Variants in UBE2G1 observed in about 807,000 individuals in gnomAD.
UBE2G1 encodes the protein ubiquitin conjugating enzyme E2 G1.
UBE2G1 carries 5 observed loss-of-function variants against 22.7 expected under a neutral mutation model. The ratio of observed to expected loss-of-function variants is 0.22; its 90% CI spans 0.12 to 0.46. The LOEUF (loss-of-function observed/expected upper bound fraction) is 0.46. UBE2G1 is among the 20% of genes least tolerant of loss of function. The probability of loss-of-function intolerance (pLI) is 0.99; values close to 1 mark genes in which losing one functional copy is unlikely to be tolerated. For missense variants in UBE2G1, 88 were observed against 203.9 expected (o/e 0.43, Z 3.46); for synonymous variants, 74 against 67.5 (o/e 1.10, Z -0.47).
chr17:4,285,232 C>T (rs1023424391), intron 4 of UBE2G1, among the ~76,000 whole-genome samples: 8 of 151,924 alleles, frequency 5.3e-5, no homozygotes, highest in African/African-American at 1.9e-4. Context: ...AGAGTTCACA[C>T]AACTCTGTGA....
rs182090880 is a variant in UBE2G1 at position 4,296,733 on chromosome 17, T to A, written c.231A>T (p.Glu77Asp). 6.2e-7 allele frequency: 1 copy of A among 1,613,982 alleles called. No individual in the cohort carries two copies. The highest frequency in any genetic ancestry group is 8.5e-7 in the Non-Finnish European group (1 of 1,179,914). Residue 77 changes from glutamate (E) to aspartate (D), a missense_variant, in exon 3 of 6, where the codon GAA becomes GAT. Physicochemically the swap from Glu to Asp is conservative, Grantham distance 45. Around this residue, in one of 2 missense-constraint regions of UBE2G1, gnomAD observed 38 missense variants for 132.9 expected, o/e 0.29. Transcript: ENST00000396981. ...LRPPKMKFIT[E>D]IWHPNVDKNG... ...TAAACTTACCATTTGGGTGCCAGAT[T>A]TCTGTAATGAATTTCATTTTAGGAG...
chr17:4,329,827 CTTT>C (rs66696267), intron 1 of UBE2G1, among the ~76,000 whole-genome samples: 1 of 147,764 alleles, frequency 6.8e-6, no homozygotes, highest in Non-Finnish European at 1.5e-5. Flanking sequence ...TAAAGGTATG[CTTT>C]TTTTTTTTAG....
At chr17:4,283,052 G>A in intron 4 of UBE2G1, 131 bp from the exon 5 acceptor site, 4 of 740,978 alleles carry the variant, frequency 5.4e-6, no homozygotes, top group South Asian at 2.3e-5. Context: ...AGTTGAAAAG[G>A]TAGAAAGCAG....
Position 4,366,501 on chromosome 17 carries a change from G to C in UBE2G1, c.-185C>G, listed in dbSNP as rs1970037866. ...TGCCGGTGCGAGTCCGCTCGCTTCAGCTCTTTTCACAGCGACTCACGCCCG... is the reference window on the plus strand; with the variant it reads ...TGCCGGTGCGAGTCCGCTCGCTTCACCTCTTTTCACAGCGACTCACGCCCG... On this transcript the variant is annotated 5_prime_UTR_variant, in exon 1 of 6. Transcript: ENST00000396981. The C allele has an allele frequency of 1.0e-5, 5 of 499,070 alleles. No individual in the cohort carries two copies. In the East Asian group the frequency reaches 1.8e-4, roughly 18 times the overall value. The allele number at this position is 499,070 out of a possible 1,614,324, so 30.9% of individuals were successfully genotyped here.
intron 4 of UBE2G1, 116 bp downstream of exon 4, chr17:4,289,106 TACACACAC>T (rs71144179): frequency 2.4e-4 from 125 of 514,346 alleles, no homozygotes; most frequent in South Asian, 3.3e-4. Context: ...TGGGAAGAGA[TACACACAC>T]ACACACACAC....
chr17:4,346,387 A>G (rs938759662), intron 1 of UBE2G1, among the ~76,000 whole-genome samples: 2 of 149,812 alleles, frequency 1.3e-5, no homozygotes, highest in Non-Finnish European at 3.0e-5. Flanking sequence ...TTCACAGTAG[A>G]TGAGTTACTG....
chr17:4,289,900 C>G (rs4790189), intron 3 of UBE2G1, among the ~76,000 whole-genome samples: 144,974 of 152,258 alleles, frequency 0.95, 69,463 homozygotes, highest in East Asian at 1. Context: ...TCATATAAAG[C>G]CAAAATTGTA....
chr17:4,282,328 C>G (rs1173464056), intron 5 of UBE2G1, among the ~76,000 whole-genome samples: 1 of 152,164 alleles, frequency 6.6e-6, no homozygotes, highest in Admixed American at 6.5e-5. Flanking sequence ...GGTGTTCCAC[C>G]CGCCTCGGCT....
chr17:4,294,440 AGAAAGAAACG>A (rs369723330), intron 3 of UBE2G1, among the ~76,000 whole-genome samples: 2 of 69,280 alleles, frequency 2.9e-5, no homozygotes, highest in African/African-American at 1.2e-4. Flanking sequence ...AAAAAAAAAA[AGAAAGAAACG>A]AAAAGAAAAG....
intron 1 of UBE2G1, among the ~76,000 whole-genome samples, chr17:4,308,615 G>T (rs1231656374): frequency 6.6e-6 from 1 of 152,322 alleles, no homozygotes; most frequent in East Asian, 1.9e-4. Context: ...GTGAATGCAT[G>T]TATCAATCAC....
chr17:4,356,093 C>T (rs1007841195), intron 1 of UBE2G1, among the ~76,000 whole-genome samples: 1 of 145,038 alleles, frequency 6.9e-6, no homozygotes, highest in Non-Finnish European at 1.5e-5. Context: ...CGGTGGCTTA[C>T]GCCTGTAATC....
At chr17:4,277,664 T>C (rs1245272883) in intron 5 of UBE2G1, among the ~76,000 whole-genome samples, 1 of 152,224 alleles carries the variant, frequency 6.6e-6, no homozygotes, top group Non-Finnish European at 1.5e-5. Flanking sequence ...TGAATGTAGA[T>C]AAATATGTAT....
In UBE2G1 at chr17:4,269,766, AG is replaced by A. The variant is rs1968730012; in HGVS notation, c.*2787del. On this transcript the variant is annotated 3_prime_UTR_variant, in exon 6 of 6. Transcript: ENST00000396981. Reference sequence around the variant, plus strand: ...CTCTACGAGAACTTGGAATAAATTTAGGAAACAGCCAACAGTTCTACAATCC... The same window carrying A: ...CTCTACGAGAACTTGGAATAAATTTAGAAACAGCCAACAGTTCTACAATCC... 5.4e-6 allele frequency: 1 copy of A among 186,176 alleles called. No homozygotes were observed. Among genetic ancestry groups the A allele is most frequent in the African/African-American group, 2.4e-5 (1 of 41,582 alleles). The allele number at this position is 186,176 out of a possible 1,614,324, so 11.5% of individuals were successfully genotyped here. A position where few individuals can be genotyped will look rare whatever the true frequency, so the allele number is the denominator to read the frequency against.
At chr17:4,363,063 G>C (rs11078498) in intron 1 of UBE2G1, among the ~76,000 whole-genome samples, 2 of 152,010 alleles carry the variant, frequency 1.3e-5, no homozygotes, top group South Asian at 2.1e-4. Flanking sequence ...AGAAGTTGTC[G>C]TCAGCCAAGA....
At chr17:4,361,225 GA>G (rs372807807) in intron 1 of UBE2G1, among the ~76,000 whole-genome samples, 1 of 143,778 alleles carries the variant, frequency 7.0e-6, no homozygotes, top group African/African-American at 2.6e-5. Context: ...TCTGTGTTGG[GA>G]AAAAAAAAAT....
At chr17:4,323,286 C>T (rs1046965367) in intron 1 of UBE2G1, among the ~76,000 whole-genome samples, 9 of 152,060 alleles carry the variant, frequency 5.9e-5, no homozygotes, top group African/African-American at 2.2e-4. Flanking sequence ...TCTGAAAACC[C>T]AACAATACTT....
chr17:4,273,747 A>G (rs1251271651), intron 5 of UBE2G1, among the ~76,000 whole-genome samples: 2 of 152,160 alleles, frequency 1.3e-5, no homozygotes, highest in Non-Finnish European at 2.9e-5. Flanking sequence ...AGGACAGCAG[A>G]AAAGGAAACA....
intron 1 of UBE2G1, among the ~76,000 whole-genome samples, chr17:4,339,149 T>C (rs927469890): frequency 1.3e-5 from 2 of 152,202 alleles, no homozygotes; most frequent in Admixed American, 6.5e-5. Flanking sequence ...TCATGTTAGA[T>C]CAAGAGATTA....
At chr17:4,336,209 A>G (rs1262552845) in intron 1 of UBE2G1, among the ~76,000 whole-genome samples, 1 of 152,164 alleles carries the variant, frequency 6.6e-6, no homozygotes, top group Non-Finnish European at 1.5e-5. Context: ...CAAATACACT[A>G]ATATTATATA....
Sources: gnomAD v4.1 joint callset for allele counts (sites outside exome capture counted in the v4.1 genomes callset) on GRCh38, gnomAD v4.1.1 for gene constraint, gnomAD v4.1.1 regional missense constraint, MANE v1.5 for transcripts, NCBI Gene and HGNC (gene_info 2026-07-23, HGNC 2026-07-21) for gene names.